Variants in EDRF1 observed in about 807,000 individuals in gnomAD.
The protein encoded by EDRF1 is erythroid differentiation regulatory factor 1, also known as erythroid differentiation-related factor 1.
EDRF1 carries 69 observed loss-of-function variants against 148.7 expected under a neutral mutation model. That is an observed-to-expected ratio of 0.46 (90% CI 0.38 to 0.57). The LOEUF (loss-of-function observed/expected upper bound fraction) is 0.57, where lower values mean the gene tolerates loss of function less well. Among genes scored for constraint, EDRF1 ranks in the 20% least tolerant of loss-of-function variants. EDRF1 has a pLI of 0.00. For synonymous variants in EDRF1, 515 were observed against 532.8 expected (o/e 0.97, Z 0.46); for missense variants, 1,118 against 1,478.7 (o/e 0.76, Z 4.00).
At chr10:125,754,405 G>T (rs1849792394) in intron 24 of EDRF1, among the ~76,000 whole-genome samples, 1 of 152,220 alleles carries the variant, frequency 6.6e-6, no homozygotes, top group Non-Finnish European at 1.5e-5. Flanking sequence ...CAAATACTCT[G>T]TTGTTAACGT....
chr10:125,752,857 G>A lies in EDRF1; in HGVS notation c.3336G>A (p.Val1112=), dbSNP rs188462280. Residue 1112 remains valine (V), a synonymous_variant, in exon 23 of 25, where the codon GTG becomes GTA. Transcript: ENST00000356792. Reference sequence around the variant, plus strand: ...TATCTGGGGCTCTTGATATAATGGTGAGAACTGAGCACGCATTCCAGCTTA... The same window carrying A: ...TATCTGGGGCTCTTGATATAATGGTAAGAACTGAGCACGCATTCCAGCTTA... ...KTLSGALDIM[V]RTEHAFQLIQ... 5 of 1,614,070 alleles carry A rather than the reference G, an allele frequency of 3.1e-6. No homozygotes were observed. In the East Asian group the frequency reaches 1.1e-4, roughly 36 times the overall value.
chr10:125,737,078 C>A (rs1334977573), intron 13 of EDRF1, among the ~76,000 whole-genome samples: 1 of 152,098 alleles, frequency 6.6e-6, no homozygotes, highest in African/African-American at 2.4e-5. Context: ...AATTTTAGTT[C>A]ACTTTCAGCT....
chr10:125,733,975 T>C (rs905327636), intron 11 of EDRF1, 97 bp from the exon 12 acceptor site: 21 of 1,060,294 alleles, frequency 2.0e-5, no homozygotes, highest in African/African-American at 1.7e-4. Flanking sequence ...TTGTTTCTTA[T>C]AGCTCTTTGT....
At chr10:125,728,408 A>G (rs1848358587) in intron 6 of EDRF1, among the ~76,000 whole-genome samples, 1 of 152,154 alleles carries the variant, frequency 6.6e-6, no homozygotes, top group South Asian at 2.1e-4. Flanking sequence ...GACTCTGGAA[A>G]ATTTTCATTC....
At chr10:125,756,109 C>CT (rs1849888487) in intron 24 of EDRF1, among the ~76,000 whole-genome samples, 1 of 152,164 alleles carries the variant, frequency 6.6e-6, no homozygotes, top group South Asian at 2.1e-4. Context: ...TAAAGCACTG[C>CT]TTTTGCTACA....
intron 24 of EDRF1, among the ~76,000 whole-genome samples, chr10:125,758,579 C>G (rs1175005038): frequency 6.6e-6 from 1 of 152,094 alleles, no homozygotes; most frequent in African/African-American, 2.4e-5. Flanking sequence ...TGGTTACCTT[C>G]CATGTACCAC....
Position 125,723,885 on chromosome 10 carries a change from T to C in EDRF1, c.459T>C (p.Thr153=). 3.1e-6 allele frequency: 5 copies of C among 1,613,682 alleles called. No individual in the cohort carries two copies. The highest frequency in any genetic ancestry group is 4.2e-6 in the Non-Finnish European group (5 of 1,179,682). ...VSMAVHRIGR[T]LLLDELDIQE... Reference sequence around the variant, plus strand: ...TGGCAGTACACCGCATAGGAAGGACTCTCTTACTAGATGAGCTAGATATTC... The same window carrying C: ...TGGCAGTACACCGCATAGGAAGGACCCTCTTACTAGATGAGCTAGATATTC... Residue 153 remains threonine (T), a synonymous_variant, in exon 4 of 25, where the codon ACT becomes ACC. Coordinates refer to ENST00000356792, the MANE Select transcript of EDRF1 (RefSeq NM_001202438.2).
Position 125,742,397 on chromosome 10 carries a change from T to C in EDRF1, c.2372-661T>C, listed in dbSNP as rs910183236. Reference sequence around the variant, plus strand: ...GTTTTATTATGCTCTTAAATTGTTATACTGAATATTACTTGATGTTTGCCT... The same window carrying C: ...GTTTTATTATGCTCTTAAATTGTTACACTGAATATTACTTGATGTTTGCCT... On this transcript the variant is annotated intron_variant, in intron 17 of 24. Transcript: ENST00000356792. The C allele has an allele frequency of 7.1e-6, 8 of 1,131,936 alleles. No homozygotes were observed. The Admixed American group carries it at 2.9e-4, about 40-fold the overall frequency. 70.1% of individuals were successfully genotyped at this position (1,131,936 alleles called of 1,614,324 possible). A position where few individuals can be genotyped will look rare whatever the true frequency, so the allele number is the denominator to read the frequency against.
In EDRF1 at chr10:125,757,409, A is replaced by G. The variant is rs112908799; in HGVS notation, c.3545+3564A>G. On this transcript the variant is annotated intron_variant, in intron 24 of 24. Transcript: ENST00000356792. The stretch of plus-strand genomic sequence containing the variant: ...CCTTCCTCCCGTCTTTTGTACTGTT[A>G]TTATACGTTTTACTTGTACATATGT... Among the ~76,000 whole-genome samples, 408 of 152,296 alleles carry G rather than the reference A, an allele frequency of 2.7e-3. 2 individuals are homozygous for G. The highest frequency in any genetic ancestry group is 4.7e-3 in the Non-Finnish European group (317 of 68,022).
At chr10:125,745,595 C>T in intron 18 of EDRF1, 112 bp from the exon 19 acceptor site, 1 of 1,110,800 alleles carries the variant, frequency 9.0e-7, no homozygotes, top group South Asian at 1.3e-5. Context: ...AGGTGACTGG[C>T]TCGCCACCAC....
rs764401346 is a variant in EDRF1 at position 125,732,157 on chromosome 10, G to C, written c.1129-1247G>C. Among the ~76,000 whole-genome samples the C allele has an allele frequency of 2.6e-5, 4 of 152,098 alleles. No individual in the cohort carries two copies. The East Asian group carries it at 7.7e-4, about 29-fold the overall frequency. On this transcript the variant is annotated intron_variant, in intron 9 of 24. Transcript: ENST00000356792. ...TCTGAAAGTCTGCTGTATGATTCTGGTTTGCAGTCTTGATTGAAAACCACT... is the reference window on the plus strand; with the variant it reads ...TCTGAAAGTCTGCTGTATGATTCTGCTTTGCAGTCTTGATTGAAAACCACT...
intron 13 of EDRF1, among the ~76,000 whole-genome samples, chr10:125,737,557 C>T (rs1245504598): frequency 6.6e-6 from 1 of 152,198 alleles, no homozygotes; most frequent in Admixed American, 6.5e-5. Flanking sequence ...TTGCTAGCTG[C>T]TTTTGCTCCT....
At chr10:125,744,210 T>C (rs1354969850) in intron 18 of EDRF1, among the ~76,000 whole-genome samples, 1 of 150,320 alleles carries the variant, frequency 6.7e-6, no homozygotes, top group Non-Finnish European at 1.5e-5. Flanking sequence ...GTTTTGGTTT[T>C]GGTTGTTTCT....
In EDRF1 at chr10:125,741,067, C is replaced by T. The variant is rs1261946766; in HGVS notation, c.2237C>T (p.Thr746Ile). ...CTGTTGTTTCTCTCTCAATATTTGA[C>T]ACTTTGTGGTGATATCCAACTAATG... ...EVLLFLSQYLTLCGDIQLMLA... is the reference protein window; with the variant it reads ...EVLLFLSQYLILCGDIQLMLA... The change falls in exon 17 of 25, where the codon ACA becomes ATA. Residue 746 changes from threonine (T) to isoleucine (I), a missense_variant. Thr to Ile is a moderately conservative substitution (Grantham distance 89). Transcript: ENST00000356792. 6.2e-7 allele frequency: 1 copy of T among 1,614,100 alleles called. No homozygotes were observed. The highest frequency in any genetic ancestry group is 8.5e-7 in the Non-Finnish European group (1 of 1,180,024).
At chr10:125,737,265 C>T (rs376965522) in intron 13 of EDRF1, among the ~76,000 whole-genome samples, 4 of 152,090 alleles carry the variant, frequency 2.6e-5, no homozygotes, top group Admixed American at 6.5e-5. Flanking sequence ...CTTTCTGTTC[C>T]GTATCTGAAG....
At chr10:125,722,910 T>C (rs1342775619) in intron 2 of EDRF1, among the ~76,000 whole-genome samples, 158 bp from the exon 3 acceptor site, 2 of 152,188 alleles carry the variant, frequency 1.3e-5, no homozygotes, top group South Asian at 4.1e-4. Context: ...AAAAAAAAAC[T>C]TGCCAACTGT....
chr10:125,749,632 G>A, intron 22 of EDRF1, 67 bp downstream of exon 22: 1 of 1,571,290 alleles, frequency 6.4e-7, no homozygotes, highest in Non-Finnish European at 8.7e-7. Context: ...CTTAGAGTAA[G>A]GCAGGCCTGT....
rs765302995 is a variant in EDRF1, at chr10:125,725,768, A to G, written c.722A>G (p.Glu241Gly). ...SSSSDQTNDS[E>G]GASWPAPFEM... ...AGTTCAGATCAGACAAATGATTCGG[A>G]AGGGGCTTCATGGCCTGCTCCCTTC... The change falls in exon 6 of 25, where the codon GAA (glutamate) becomes GGA (glycine). Residue 241 changes from glutamate (E) to glycine (G), a missense_variant. This residue lies in a region of EDRF1 where 954 missense variants were observed against 1,241.4 expected (regional missense o/e 0.77). Coordinates refer to ENST00000356792, the MANE Select transcript of EDRF1 (RefSeq NM_001202438.2). 6.2e-7 allele frequency: 1 copy of G among 1,614,074 alleles called. No homozygotes were observed. Among genetic ancestry groups the G allele is most frequent in the Admixed American group, 1.7e-5 (1 of 60,012 alleles).
intron 24 of EDRF1, among the ~76,000 whole-genome samples, chr10:125,759,717 A>T (rs1004303548): frequency 6.8e-5 from 10 of 147,802 alleles, no homozygotes; most frequent in African/African-American, 2.2e-4. Context: ...ATTTTTATTT[A>T]TTTTTTTTTT....
Sources: gnomAD v4.1 joint callset for allele counts (sites outside exome capture counted in the v4.1 genomes callset) on GRCh38, gnomAD v4.1.1 for gene constraint, gnomAD v4.1.1 regional missense constraint, MANE v1.5 for transcripts, NCBI Gene and HGNC (gene_info 2026-07-23, HGNC 2026-07-21) for gene names.